The following FBLN7 variants were observed in gnomAD, a reference collection of about 807,000 sequenced individuals.
FBLN7 encodes fibulin-7.
A neutral mutation model predicts 44.0 loss-of-function variants in FBLN7; 31 were observed. The ratio of observed to expected loss-of-function variants is 0.70; its 90% CI spans 0.53 to 0.95. The LOEUF (loss-of-function observed/expected upper bound fraction) is 0.95. FBLN7 is among the 40% of genes least tolerant of loss of function. FBLN7 has a pLI of 0.00. For synonymous variants in FBLN7, 262 were observed against 253.4 expected (o/e 1.03, Z -0.32); for missense variants, 573 against 618.5 (o/e 0.93, Z 0.78).
chr2:112,141,687 G>C (rs1354519868), intron 1 of FBLN7, among the ~76,000 whole-genome samples: 1 of 152,232 alleles, frequency 6.6e-6, no homozygotes, highest in African/African-American at 2.4e-5. Flanking sequence ...ACATCCCTAA[G>C]GCGGCTCCCC....
At chr2:112,181,666 C>G in intron 4 of FBLN7, 73 bp from the exon 5 acceptor site, 1 of 1,340,604 alleles carries the variant, frequency 7.5e-7, no homozygotes, top group Non-Finnish European at 9.5e-7. Flanking sequence ...GGTTCTGCTC[C>G]CGGCCCCTAC....
chr2:112,194,615 G>C, the FBLN7 span, among the ~76,000 whole-genome samples: 1 of 152,216 alleles, frequency 6.6e-6, no homozygotes, highest in African/African-American at 2.4e-5. Context: ...ACTGAGTCCT[G>C]GGAGGTGGAC....
chr2:112,198,004 A>C, the FBLN7 span, among the ~76,000 whole-genome samples: 1 of 152,196 alleles, frequency 6.6e-6, no homozygotes, highest in Non-Finnish European at 1.5e-5. Flanking sequence ...CAGGAACAGG[A>C]AGGGCTATGG....
the FBLN7 span, chr2:112,236,434 T>G: frequency 2.4e-6 from 3 of 1,275,902 alleles, no homozygotes; most frequent in Non-Finnish European, 2.1e-6. Flanking sequence ...GACATCTTCA[T>G]CCGAAAACCG....
rs773341440 is a variant in FBLN7, at chr2:112,182,873, C to T, written c.753C>T (p.Tyr251=). 1.2e-6 allele frequency: 2 copies of T among 1,613,170 alleles called. No individual in the cohort carries two copies. The highest frequency in any genetic ancestry group is 1.7e-6 in the Non-Finnish European group (2 of 1,179,888). ...CCTGCGTGAACACCCCGGGCTCTTA[C>T]CGTTGCACCTGCCCCGGTGGATACC... ...MHACVNTPGS[Y]RCTCPGGYRT... The change falls in exon 6 of 8, where the codon TAC becomes TAT. Residue 251 remains tyrosine (Y), a synonymous_variant. Transcript: ENST00000331203.
the FBLN7 span, chr2:112,236,606 T>C: frequency 6.2e-7 from 1 of 1,614,044 alleles, no homozygotes; most frequent in East Asian, 2.2e-5. Flanking sequence ...TTTGATCCTT[T>C]GTTTCCAGGG....
At chr2:112,154,916 C>T (rs965131694) in intron 1 of FBLN7, among the ~76,000 whole-genome samples, 2 of 152,128 alleles carry the variant, frequency 1.3e-5, no homozygotes, top group African/African-American at 4.8e-5. Flanking sequence ...AAAATGATGC[C>T]ACAGCCAGTG....
At chr2:112,200,561 G>A in the FBLN7 span, among the ~76,000 whole-genome samples, 3,001 of 152,206 alleles carry the variant, frequency 0.02, 98 homozygotes, top group African/African-American at 0.066. Context: ...TTTAGACATA[G>A]TCTCGCTCTG....
chr2:112,241,187 T>C, the FBLN7 span, among the ~76,000 whole-genome samples: 1 of 152,096 alleles, frequency 6.6e-6, no homozygotes, highest in African/African-American at 2.4e-5. Context: ...ACAAAGCTGT[T>C]ACAACAAATT....
chr2:112,178,574 C>G (rs1405500871), intron 4 of FBLN7, among the ~76,000 whole-genome samples: 1 of 152,136 alleles, frequency 6.6e-6, no homozygotes, highest in African/African-American at 2.4e-5. Context: ...GGCCAATATC[C>G]TTGATGAACA....
intron 5 of FBLN7, chr2:112,182,079 C>T (rs1279464656): frequency 7.0e-5 from 46 of 656,764 alleles, no homozygotes; most frequent in Non-Finnish European, 9.6e-6. Flanking sequence ...GAGCTCGCCC[C>T]GCCTCAGAAC....
intron 3 of FBLN7, among the ~76,000 whole-genome samples, chr2:112,175,022 A>AT: frequency 6.6e-6 from 1 of 152,044 alleles, no homozygotes; most frequent in Non-Finnish European, 1.5e-5. Context: ...AGAGAAAAAA[A>AT]GTCTACTGAG....
At chr2:112,215,632 G>C in the FBLN7 span, 5 of 152,122 alleles carry the variant, frequency 3.3e-5, no homozygotes, top group African/African-American at 1.2e-4. Context: ...CCATTTCATG[G>C]TATTTGTCTA....
the FBLN7 span, among the ~76,000 whole-genome samples, chr2:112,194,485 G>A: frequency 6.6e-6 from 1 of 152,120 alleles, no homozygotes; most frequent in Non-Finnish European, 1.5e-5. Flanking sequence ...TAACACAGTG[G>A]CTCGTGTTAC....
rs1038577178 is a variant in FBLN7 at position 112,187,717 on chromosome 2, T to G, written c.*211T>G. 3.2e-6 allele frequency: 2 copies of G among 625,034 alleles called. No homozygotes were observed. The highest frequency in any genetic ancestry group is 5.4e-6 in the Non-Finnish European group (2 of 370,186). The allele number at this position is 625,034 out of a possible 1,614,324, so 38.7% of individuals were successfully genotyped here. A position where few individuals can be genotyped will look rare whatever the true frequency, so the allele number is the denominator to read the frequency against. On this transcript the variant is annotated 3_prime_UTR_variant, in exon 8 of 8. Coordinates refer to ENST00000331203, the MANE Select transcript of FBLN7 (RefSeq NM_153214.3). The surrounding 1 kb of genome is among the most constrained non-coding windows in gnomAD (Gnocchi z 5.1). Reference sequence around the variant, plus strand: ...ACTGCTGCCATCACTCTTTTTTTTTTTCTGCTTTGAGGCCCTTCCCTTAGA... The same window carrying G: ...ACTGCTGCCATCACTCTTTTTTTTTGTCTGCTTTGAGGCCCTTCCCTTAGA...
downstream of FBLN7, among the ~76,000 whole-genome samples, chr2:112,193,168 C>T (rs186376922): frequency 1.4e-3 from 208 of 152,212 alleles, 2 homozygotes; most frequent in Admixed American, 0.012. Flanking sequence ...GGGCTGGGTG[C>T]GGTGGGTCAC....
chr2:112,162,021 T>G (rs919550280), intron 2 of FBLN7, among the ~76,000 whole-genome samples: 1 of 152,110 alleles, frequency 6.6e-6, no homozygotes, highest in African/African-American at 2.4e-5. Flanking sequence ...GAAAACTACC[T>G]TATTGCTTTT....
At chr2:112,209,642 C>T in the FBLN7 span, among the ~76,000 whole-genome samples, 1 of 152,126 alleles carries the variant, frequency 6.6e-6, no homozygotes, top group Admixed American at 6.5e-5. Flanking sequence ...GGGCTATCAC[C>T]AGAGCCTGAG....
intron 1 of FBLN7, among the ~76,000 whole-genome samples, chr2:112,143,774 GGTTTTGCCATGTT>G (rs2104535548): frequency 6.6e-6 from 1 of 152,034 alleles, no homozygotes; most frequent in South Asian, 2.1e-4. Flanking sequence ...TTAGAGACAG[GGTTTTGCCATGTT>G]GCCTAGGCTG....
Sources: allele counts gnomAD v4.1 joint callset (sites outside exome capture counted in the v4.1 genomes callset), GRCh38; gene constraint gnomAD v4.1.1; non-coding constraint Gnocchi (gnomAD v3.1); transcripts MANE v1.5; gene names NCBI Gene and HGNC (gene_info 2026-07-23, HGNC 2026-07-21).